The following DNM3 variants were observed in gnomAD, a reference collection of about 807,000 sequenced individuals.
DNM3 encodes the protein dynamin-3.
DNM3 carries 47 observed loss-of-function variants against 101.6 expected under a neutral mutation model. The ratio of observed to expected loss-of-function variants is 0.46; its 90% CI spans 0.37 to 0.59. The LOEUF is 0.59. DNM3 is among the 20% of genes least tolerant of loss of function. DNM3 has a pLI of 0.00. For missense variants in DNM3, 849 were observed against 1,085.7 expected (o/e 0.78, Z 3.06); for synonymous variants, 385 against 387.9 (o/e 0.99, Z 0.09).
intron 2 of DNM3, among the ~76,000 whole-genome samples, chr1:171,980,496 A>G (rs982167540): frequency 6.6e-6 from 1 of 151,960 alleles, no homozygotes; most frequent in African/African-American, 2.4e-5. Context: ...AAAATATACA[A>G]TTTATTATTC....
intron 2 of DNM3, among the ~76,000 whole-genome samples, chr1:171,974,275 T>A (rs977374599): frequency 9.2e-5 from 14 of 152,236 alleles, no homozygotes; most frequent in African/African-American, 3.1e-4. Flanking sequence ...TTCATTGTGA[T>A]CTATATTATT....
downstream of DNM3, among the ~76,000 whole-genome samples, chr1:172,417,194 A>AGTAG (rs2149147223): frequency 6.6e-6 from 1 of 152,270 alleles, no homozygotes; most frequent in East Asian, 1.9e-4. Context: ...AGTCAAAGAG[A>AGTAG]GTAGGGTCTT....
intron 15 of DNM3, among the ~76,000 whole-genome samples, chr1:172,269,422 A>G (rs2062996516): frequency 6.6e-6 from 1 of 152,154 alleles, no homozygotes; most frequent in Non-Finnish European, 1.5e-5. Flanking sequence ...TTCATTAATG[A>G]TAGGGGACCC....
chr1:172,185,687 GA>G (rs1558692478), intron 14 of DNM3, among the ~76,000 whole-genome samples: 1 of 152,078 alleles, frequency 6.6e-6, no homozygotes. Context: ...TCCATTTTGT[GA>G]AGTTCTATTG....
At chr1:172,082,113 A>G (rs566550622) in intron 12 of DNM3, among the ~76,000 whole-genome samples, 1 of 152,354 alleles carries the variant, frequency 6.6e-6, no homozygotes, top group South Asian at 2.1e-4. Context: ...TCTATTATGC[A>G]GCATATGAAG....
intron 17 of DNM3, among the ~76,000 whole-genome samples, chr1:172,373,428 C>T (rs750844198): frequency 7.2e-5 from 11 of 152,074 alleles, no homozygotes; most frequent in Non-Finnish European, 1.5e-4. Flanking sequence ...TTACACCTCA[C>T]GTAATACTTA....
At chr1:172,247,786 G>A (rs1431352715) in intron 14 of DNM3, among the ~76,000 whole-genome samples, 1 of 151,952 alleles carries the variant, frequency 6.6e-6, no homozygotes, top group Non-Finnish European at 1.5e-5. Flanking sequence ...CTGGGTTCAA[G>A]TGATTCTCCT....
At chr1:171,869,642 C>T (rs371201280) in intron 1 of DNM3, among the ~76,000 whole-genome samples, 2 of 152,174 alleles carry the variant, frequency 1.3e-5, no homozygotes, top group Non-Finnish European at 2.9e-5. Flanking sequence ...CAAATGGATT[C>T]GTGTCATGAA....
At chr1:171,963,624 G>C (rs1021679129) in intron 2 of DNM3, among the ~76,000 whole-genome samples, 3 of 151,914 alleles carry the variant, frequency 2.0e-5, no homozygotes, top group African/African-American at 7.3e-5. Context: ...GCAGGAGGTG[G>C]GATATATGGG....
intron 17 of DNM3, among the ~76,000 whole-genome samples, chr1:172,371,811 C>T (rs2068337204): frequency 6.6e-6 from 1 of 151,244 alleles, no homozygotes; most frequent in Admixed American, 6.6e-5. Context: ...TCAGGGTATT[C>T]TGTCTAAGTC....
chr1:172,160,427 A>G (rs1264870285), intron 14 of DNM3, among the ~76,000 whole-genome samples: 1 of 152,042 alleles, frequency 6.6e-6, no homozygotes, highest in African/African-American at 2.4e-5. Flanking sequence ...TGATTTTTAA[A>G]TGTTTTTATT....
intron 15 of DNM3, among the ~76,000 whole-genome samples, chr1:172,306,494 A>C (rs934367387): frequency 4.6e-5 from 7 of 152,180 alleles, no homozygotes; most frequent in African/African-American, 1.2e-4. Flanking sequence ...CATCAAGCTA[A>C]CAATGACTTT....
intron 4 of DNM3, among the ~76,000 whole-genome samples, chr1:172,025,700 G>C (rs907314564): frequency 9.9e-5 from 15 of 152,212 alleles, no homozygotes; most frequent in African/African-American, 3.6e-4. Flanking sequence ...CAGCAGACCT[G>C]CAGCAGAGGG....
intron 14 of DNM3, among the ~76,000 whole-genome samples, chr1:172,198,560 G>A (rs969844057): frequency 1.3e-5 from 2 of 151,714 alleles, no homozygotes; most frequent in Non-Finnish European, 2.9e-5. Flanking sequence ...TTTTTGGTTG[G>A]TAGGCTATTT....
intron 1 of DNM3, among the ~76,000 whole-genome samples, chr1:171,880,145 T>C (rs146827819): frequency 2.2e-4 from 33 of 152,378 alleles, no homozygotes; most frequent in African/African-American, 7.7e-4. Flanking sequence ...CAGCCACAGA[T>C]GCTTTTGTGT....
At chr1:171,905,196 T>C (rs80182128) in intron 1 of DNM3, among the ~76,000 whole-genome samples, 2,268 of 152,324 alleles carry the variant, frequency 0.015, 66 homozygotes, top group African/African-American at 0.05. Context: ...TATGTTACTG[T>C]ATACTGCATA....
chr1:171,959,590 C>G (rs979469994), intron 2 of DNM3, among the ~76,000 whole-genome samples: 1 of 151,880 alleles, frequency 6.6e-6, no homozygotes, highest in Non-Finnish European at 1.5e-5. Flanking sequence ...TAAAATTGCC[C>G]CGGAAGAATT....
chr1:172,014,893 T>C (rs1200323372), intron 4 of DNM3, among the ~76,000 whole-genome samples: 1 of 152,164 alleles, frequency 6.6e-6, no homozygotes, highest in Non-Finnish European at 1.5e-5. Flanking sequence ...TTTTATCCTA[T>C]GTTAACTTTT....
intron 17 of DNM3, among the ~76,000 whole-genome samples, chr1:172,345,466 C>T (rs1405359675): frequency 1.3e-5 from 2 of 152,162 alleles, no homozygotes; most frequent in Non-Finnish European, 2.9e-5. Context: ...AAGTCAAGCA[C>T]ATCAAAATGG....
Sources: gnomAD v4.1 joint callset for allele counts (sites outside exome capture counted in the v4.1 genomes callset) on GRCh38, gnomAD v4.1.1 for gene constraint, MANE v1.5 for transcripts, NCBI Gene and HGNC (gene_info 2026-07-23, HGNC 2026-07-21) for gene names.